HKDC1: variants seen among roughly 807,000 people sequenced by gnomAD.
HKDC1 encodes hexokinase HKDC1.
Under a neutral mutation model 96.6 loss-of-function variants are expected in HKDC1, and 66 were observed. That is an observed-to-expected ratio of 0.68 (90% CI 0.56 to 0.84). The LOEUF (loss-of-function observed/expected upper bound fraction) is 0.84, where lower values mean the gene tolerates loss of function less well. Ranked by LOEUF, HKDC1 falls within the 40% of genes least tolerant of loss-of-function variation. The probability of loss-of-function intolerance (pLI) is 0.00; values close to 1 mark genes in which losing one functional copy is unlikely to be tolerated. For synonymous variants in HKDC1, 466 were observed against 473.1 expected (o/e 0.98, Z 0.20); for missense variants, 1,211 against 1,208.1 (o/e 1.00, Z -0.04).
intron 8 of HKDC1, among the ~76,000 whole-genome samples, chr10:69,246,989 C>T (rs1244096989): frequency 6.6e-6 from 1 of 152,242 alleles, no homozygotes; most frequent in Non-Finnish European, 1.5e-5. Context: ...AGTGTGGGTG[C>T]TAGAATCTAA....
intron 4 of HKDC1, among the ~76,000 whole-genome samples, chr10:69,234,118 G>A (rs898697974): frequency 1.3e-5 from 2 of 152,080 alleles, no homozygotes; most frequent in African/African-American, 4.8e-5. Context: ...CCAGGTTGGG[G>A]GAGTTACTGT....
intron 6 of HKDC1, among the ~76,000 whole-genome samples, chr10:69,241,350 G>T (rs1843454462): frequency 6.6e-6 from 1 of 152,190 alleles, no homozygotes; most frequent in South Asian, 2.1e-4. Flanking sequence ...ATTCAAGTGA[G>T]AGGCAGAGGA....
intron 4 of HKDC1, among the ~76,000 whole-genome samples, chr10:69,237,840 A>G (rs74910409): frequency 0.036 from 5,546 of 152,080 alleles, 125 homozygotes; most frequent in African/African-American, 0.06. Flanking sequence ...TCTATCCTTC[A>G]CTCGCGGTGA....
At chr10:69,245,569 C>CTAA (rs1564731645) in intron 7 of HKDC1, among the ~76,000 whole-genome samples, 22 of 64,470 alleles carry the variant, frequency 3.4e-4, no homozygotes, top group African/African-American at 8.8e-4. Context: ...GATCCTGTCT[C>CTAA]CAATAATAAT....
At chr10:69,226,860 G>A (rs963416936) in intron 1 of HKDC1, among the ~76,000 whole-genome samples, 4 of 152,192 alleles carry the variant, frequency 2.6e-5, no homozygotes, top group African/African-American at 9.7e-5. Flanking sequence ...AGAGGAATGG[G>A]ACACTGGTGA....
intron 15 of HKDC1, among the ~76,000 whole-genome samples, chr10:69,260,266 C>A (rs773790547): frequency 3.3e-5 from 5 of 152,130 alleles, no homozygotes; most frequent in Non-Finnish European, 5.9e-5. Context: ...TGGTTTCTTT[C>A]CTCTTTGGCA....
At chr10:69,264,309 T>G (rs1169085077) in intron 16 of HKDC1, among the ~76,000 whole-genome samples, 1 of 151,744 alleles carries the variant, frequency 6.6e-6, no homozygotes, top group African/African-American at 2.4e-5. Context: ...GCATAGTATT[T>G]TATAATCTAT....
At position 69,246,149 on chromosome 10, in the gene HKDC1, G is replaced by A; in HGVS notation, c.946G>A (p.Ala316Thr). The A allele has an allele frequency of 6.2e-7, 1 of 1,614,240 alleles. No homozygotes were observed. Among genetic ancestry groups the A allele is most frequent in the Non-Finnish European group, 8.5e-7 (1 of 1,180,040 alleles). Residue 316 changes from alanine to threonine, a missense_variant, in exon 8 of 18, where the codon GCT becomes ACT. Transcript: ENST00000354624. ...GCTTATCTTGCTGAAGATGGCCAAG[G>A]CTGGCCTCCTGTTTGGTGGTGAGAA... ...VRLILLKMAK[A>T]GLLFGGEKSS...
chr10:69,250,466 A>C (rs1564733784), intron 11 of HKDC1, 31 bp downstream of exon 11: 2 of 1,611,710 alleles, frequency 1.2e-6, no homozygotes, highest in Non-Finnish European at 1.7e-6. Flanking sequence ...TTGGGCTCCG[A>C]GGTGCCAGCC....
intron 9 of HKDC1, 148 bp from the exon 10 acceptor site, chr10:69,248,276 C>A: frequency 1.3e-6 from 1 of 781,216 alleles, no homozygotes; most frequent in Non-Finnish European, 2.0e-6. Context: ...TCCCTCCTCT[C>A]ATCCCCTCCC....
At chr10:69,256,117 T>C (rs886999990) in intron 12 of HKDC1, among the ~76,000 whole-genome samples, 1 of 152,188 alleles carries the variant, frequency 6.6e-6, no homozygotes, top group African/African-American at 2.4e-5. Flanking sequence ...AGTGCGAGTG[T>C]ATATGTGTGT....
intron 5 of HKDC1, among the ~76,000 whole-genome samples, chr10:69,239,636 A>G (rs1280266692): frequency 6.6e-6 from 1 of 152,244 alleles, no homozygotes; most frequent in African/African-American, 2.4e-5. Context: ...TGGAAAGTAC[A>G]CAAACCCAAA....
intron 2 of HKDC1, among the ~76,000 whole-genome samples, chr10:69,229,471 G>A (rs571897265): frequency 6.6e-6 from 1 of 152,310 alleles, no homozygotes; most frequent in South Asian, 2.1e-4. Flanking sequence ...ACTGGGACGT[G>A]TCCTTGACAG....
intron 1 of HKDC1, among the ~76,000 whole-genome samples, chr10:69,225,543 C>T (rs889722604): frequency 2.6e-5 from 4 of 152,280 alleles, no homozygotes; most frequent in Middle Eastern, 3.4e-3. Flanking sequence ...CTCTGGCCCC[C>T]GAGTCCCCGG....
At chr10:69,259,494 TA>T (rs1450141114) in intron 15 of HKDC1, among the ~76,000 whole-genome samples, 1 of 151,998 alleles carries the variant, frequency 6.6e-6, no homozygotes, top group Non-Finnish European at 1.5e-5. Flanking sequence ...AAAAATAAAT[TA>T]GAGTAGATTT....
intron 17 of HKDC1, among the ~76,000 whole-genome samples, chr10:69,266,374 G>A (rs1002004362): frequency 6.6e-6 from 1 of 152,078 alleles, no homozygotes; most frequent in Non-Finnish European, 1.5e-5. Flanking sequence ...GGCTGAGCTG[G>A]GGGGCTTGAG....
At chr10:69,259,039 C>A in intron 15 of HKDC1, 80 bp downstream of exon 15, 1 of 1,144,920 alleles carries the variant, frequency 8.7e-7, no homozygotes, top group Non-Finnish European at 1.2e-6. Flanking sequence ...CCATAGACAG[C>A]ATAGCTTTGT....
Position 69,250,365 on chromosome 10 carries a change from G to C in HKDC1, c.1646G>C (p.Arg549Pro). 1.2e-6 allele frequency: 2 copies of C among 1,614,134 alleles called. No individual in the cohort carries two copies. The highest frequency in any genetic ancestry group is 1.7e-6 in the Non-Finnish European group (2 of 1,180,008). Residue 549 changes from arginine (R) to proline (P), a missense_variant, in exon 11 of 18, where the codon CGG becomes CCG. Coordinates refer to ENST00000354624, the MANE Select transcript of HKDC1 (RefSeq NM_025130.4). ...CTCCTGGTGAAGATCAGAAGTGGAC[G>C]GAGGTCAGTGCGAATGTACAACAAG... ...RVLLVKIRSG[R>P]RSVRMYNKIF...
At position 69,233,254 on chromosome 10, in the gene HKDC1, C is replaced by G. The variant is rs1174543625; in HGVS notation, c.495+121C>G. On this transcript the variant is annotated intron_variant, in intron 4 of 17. Transcript: ENST00000354624. ...GCTTTCTTGTTTGTCTTTTTCTTTT[C>G]TTTTTGTTCATGATGAGGTGGCAGC... 3.0e-5 allele frequency: 42 copies of G among 1,395,674 alleles called. 1 individual carries two copies. In the East Asian group the frequency reaches 9.6e-4, roughly 32 times the overall value. The allele number at this position is 1,395,674 out of a possible 1,614,324, so 86.5% of individuals were successfully genotyped here.
Sources: allele counts gnomAD v4.1 joint callset (sites outside exome capture counted in the v4.1 genomes callset), GRCh38; gene constraint gnomAD v4.1.1; transcripts MANE v1.5; gene names NCBI Gene and HGNC (gene_info 2026-07-23, HGNC 2026-07-21).